The following TBX5 variants were observed in gnomAD, a reference collection of about 807,000 sequenced individuals.
The protein encoded by TBX5 is T-box transcription factor TBX5.
Under a neutral mutation model 51.1 loss-of-function variants are expected in TBX5, and 8 were observed. That is an observed-to-expected ratio of 0.16 (90% CI 0.09 to 0.28). TBX5 has a LOEUF of 0.28. TBX5 is among the 10% of genes least tolerant of loss of function. The pLI is 1.00. For synonymous variants in TBX5, 302 were observed against 266.4 expected (o/e 1.13, Z -1.30); for missense variants, 589 against 671.7 (o/e 0.88, Z 1.36).
intron 8 of TBX5, 187 bp downstream of exon 8, chr12:114,365,978 A>G (rs567728321): frequency 4.2e-6 from 3 of 713,336 alleles, no homozygotes; most frequent in Non-Finnish European, 7.4e-6. Context: ...TGGGGGTAGG[A>G]ACATGTCAAG....
intron 6 of TBX5, among the ~76,000 whole-genome samples, chr12:114,387,953 C>T (rs768746762): frequency 9.2e-5 from 14 of 151,922 alleles, no homozygotes; most frequent in South Asian, 2.1e-4. Context: ...CCTCCTGCCT[C>T]GGCATCCCGA....
intron 8 of TBX5, among the ~76,000 whole-genome samples, chr12:114,364,921 C>A (rs533361545): frequency 3.9e-5 from 6 of 152,170 alleles, no homozygotes; most frequent in Admixed American, 3.9e-4. Context: ...CCCCACCATA[C>A]CATCTACAGC....
chr12:114,402,738 C>T (rs1385180165), intron 2 of TBX5, among the ~76,000 whole-genome samples: 1 of 152,036 alleles, frequency 6.6e-6, no homozygotes, highest in Non-Finnish European at 1.5e-5. Flanking sequence ...TGTGCACACA[C>T]ACATACATGC....
chr12:114,396,400 A>G (rs1260407531), intron 5 of TBX5, among the ~76,000 whole-genome samples: 1 of 151,936 alleles, frequency 6.6e-6, no homozygotes, highest in Non-Finnish European at 1.5e-5. Context: ...CATCAGCGCG[A>G]GGGCGATCTA....
chr12:114,385,802 T>C (rs1034995266), intron 6 of TBX5, among the ~76,000 whole-genome samples: 2 of 151,430 alleles, frequency 1.3e-5, no homozygotes, highest in Admixed American at 6.6e-5. Flanking sequence ...GGTTTGCCCA[T>C]TAATTGGAGT....
intron 4 of TBX5, 122 bp downstream of exon 4, chr12:114,399,391 C>G: frequency 7.2e-7 from 1 of 1,386,386 alleles, no homozygotes; most frequent in Non-Finnish European, 1.0e-6. Context: ...GGCGGACAGA[C>G]GCCTTTAGCA....
intron 5 of TBX5, among the ~76,000 whole-genome samples, chr12:114,395,381 T>C (rs1871361717): frequency 6.6e-6 from 1 of 151,954 alleles, no homozygotes; most frequent in African/African-American, 2.4e-5. Flanking sequence ...TTTGGAAAAC[T>C]GAAATAAGTA....
chr12:114,389,520 A>C (rs4767242), intron 6 of TBX5, among the ~76,000 whole-genome samples: 86,108 of 148,536 alleles, frequency 0.58, 25,588 homozygotes, highest in Admixed American at 0.72. Context: ...TTTGGGAGGC[A>C]GAGGCGGGCG....
At chr12:114,383,510 C>T (rs939637459) in intron 7 of TBX5, among the ~76,000 whole-genome samples, 1 of 152,120 alleles carries the variant, frequency 6.6e-6, no homozygotes, top group African/African-American at 2.4e-5. Context: ...GTGATGGCAA[C>T]AGGAGACTTG....
At chr12:114,402,227 G>C (rs534226448) in intron 2 of TBX5, among the ~76,000 whole-genome samples, 120 of 152,146 alleles carry the variant, frequency 7.9e-4, no homozygotes, top group African/African-American at 2.8e-3. Context: ...AGGGTGCTCC[G>C]GAATGTCACT....
At chr12:114,392,175 C>T (rs915696381) in intron 6 of TBX5, among the ~76,000 whole-genome samples, 10 of 54,788 alleles carry the variant, frequency 1.8e-4, no homozygotes, top group Non-Finnish European at 2.7e-4. Context: ...CCCTGGATTG[C>T]GCTAAAAAAA....
chr12:114,398,454 G>T, intron 5 of TBX5, 119 bp downstream of exon 5: 9 of 1,414,838 alleles, frequency 6.4e-6, no homozygotes, highest in Non-Finnish European at 7.8e-6. Flanking sequence ...GGGGGAAAAT[G>T]GAGGAAAGAA....
At chr12:114,371,036 T>C (rs1227920319) in intron 7 of TBX5, among the ~76,000 whole-genome samples, 1 of 152,130 alleles carries the variant, frequency 6.6e-6, no homozygotes, top group Non-Finnish European at 1.5e-5. Flanking sequence ...TAACTAATGC[T>C]TAATAATAAG....
chr12:114,369,606 A>G (rs1869742119), intron 7 of TBX5, among the ~76,000 whole-genome samples: 1 of 152,236 alleles, frequency 6.6e-6, no homozygotes, highest in African/African-American at 2.4e-5. Context: ...GAGCTCATCC[A>G]TGGATCAAAG....
intron 6 of TBX5, among the ~76,000 whole-genome samples, chr12:114,392,589 C>T (rs191394378): frequency 1.1e-4 from 17 of 152,248 alleles, no homozygotes; most frequent in Admixed American, 5.2e-4. Flanking sequence ...TCTACCCTTT[C>T]CTATCCTCCT....
chr12:114,405,270 T>C (rs1692621332), intron 1 of TBX5, among the ~76,000 whole-genome samples: 1 of 151,934 alleles, frequency 6.6e-6, no homozygotes, highest in South Asian at 2.1e-4. Flanking sequence ...CGCTGCCTAC[T>C]CACAACAAAA....
Position 114,373,849 on chromosome 12 carries a change from T to C in TBX5, c.756-7458A>G, listed in dbSNP as rs11067088. Among the ~76,000 whole-genome samples the C allele has an allele frequency of 0.033, 5,090 of 152,344 alleles. 386 individuals carry two copies. The East Asian group carries it at 0.35, about 11-fold the overall frequency. On this transcript the variant is annotated intron_variant, in intron 7 of 8. Transcript: ENST00000405440. ...CAATATTTTAGTCCAGTCTTGTAAATTAACCATTTAAACCAGCTTAACTAT... is the reference window on the plus strand; with the variant it reads ...CAATATTTTAGTCCAGTCTTGTAAACTAACCATTTAAACCAGCTTAACTAT...
chr12:114,372,981 TACACACACACACACACACACAC>T (rs56137685), intron 7 of TBX5, among the ~76,000 whole-genome samples: 1 of 142,846 alleles, frequency 7.0e-6, no homozygotes. Flanking sequence ...TATATATACA[TACACACACACACACACACACAC>T]ACACACACAC....
chr12:114,391,518 G>T (rs750117471), intron 6 of TBX5, among the ~76,000 whole-genome samples: 2 of 152,148 alleles, frequency 1.3e-5, no homozygotes, highest in Non-Finnish European at 2.9e-5. Context: ...CACACTTGCC[G>T]GGAATTATCT....
Sources: gnomAD v4.1 joint callset for allele counts (sites outside exome capture counted in the v4.1 genomes callset) on GRCh38, gnomAD v4.1.1 for gene constraint, MANE v1.5 for transcripts, NCBI Gene and HGNC (gene_info 2026-07-23, HGNC 2026-07-21) for gene names.